Variants in IL18R1 observed in about 807,000 individuals in gnomAD.
The protein encoded by IL18R1 is interleukin-18 receptor 1.
Under a neutral mutation model 48.5 loss-of-function variants are expected in IL18R1, and 40 were observed. The ratio of observed to expected loss-of-function variants is 0.82; its 90% confidence interval spans 0.64 to 1.07. The LOEUF (loss-of-function observed/expected upper bound fraction) is 1.07, where lower values mean the gene tolerates loss of function less well. Ranked by LOEUF, IL18R1 falls within the 50% of genes least tolerant of loss-of-function variation. The pLI is 0.00. For synonymous variants in IL18R1, 232 were observed against 225.9 expected, an observed-to-expected ratio of 1.03 and a Z score of -0.24; for missense variants, 596 against 633.7, an observed-to-expected ratio of 0.94 and a Z score of 0.64.
At chr2:102,396,453 G>A (rs1458631211) in intron 10 of IL18R1, 78 bp from the exon 11 acceptor site, 1 of 791,574 alleles carries the variant, frequency 1.3e-6, no homozygotes. Context: ...TATAAAATAA[G>A]ACTGTGCAAA....
rs1309496545 is a variant in IL18R1, at chr2:102,390,102, C to T, written c.996C>T (p.Ile332=). 6.2e-7 allele frequency: 1 copy of T among 1,614,086 alleles called. No individual in the cohort carries two copies. Among genetic ancestry groups the T allele is most frequent in the African/African-American group, 1.3e-5 (1 of 75,034 alleles). The change falls in exon 9 of 11, where the codon ATC becomes ATT. Residue 332 remains isoleucine (I), a synonymous_variant. Coordinates refer to ENST00000233957, the MANE Select transcript of IL18R1 (RefSeq NM_003855.5). ...IPGHVFTRGM[I]IAVLILVAVV... ...GCCACGTCTTCACAAGAGGAATGAT[C>T]ATAGCTGTTTTGATCTTGGTGGCAG...
chr2:102,374,116 C>T, intron 4 of IL18R1: 1 of 213,364 alleles, frequency 4.7e-6, no homozygotes, highest in East Asian at 1.3e-4. Context: ...CCCCTGCCCA[C>T]CCTGGTCCAT....
intron 3 of IL18R1, among the ~76,000 whole-genome samples, chr2:102,369,687 T>C (rs1290370824): frequency 6.6e-6 from 1 of 152,254 alleles, no homozygotes. Context: ...ATATGTGTTC[T>C]AACTTAGGTG....
At chr2:102,375,724 A>T (rs1343777992) in intron 4 of IL18R1, among the ~76,000 whole-genome samples, 183 bp from the exon 5 acceptor site, 1 of 152,222 alleles carries the variant, frequency 6.6e-6, no homozygotes, top group Non-Finnish European at 1.5e-5. Flanking sequence ...GCCAACAGCA[A>T]TGGGATCGCA....
chr2:102,381,758 C>T (rs1679934259), intron 6 of IL18R1, 76 bp downstream of exon 6: 1 of 932,532 alleles, frequency 1.1e-6, no homozygotes, highest in African/African-American at 1.6e-5. Flanking sequence ...AAATATGATT[C>T]ATTATTGAAT....
intron 3 of IL18R1, among the ~76,000 whole-genome samples, chr2:102,368,882 C>A (rs1397960157): frequency 6.6e-6 from 1 of 152,080 alleles, no homozygotes; most frequent in Non-Finnish European, 1.5e-5. Context: ...AGAAGCACTT[C>A]TAGAGTGAGT....
intron 2 of IL18R1, 95 bp downstream of exon 2, chr2:102,362,813 G>C (rs975206241): frequency 2.9e-6 from 2 of 681,176 alleles, no homozygotes; most frequent in Non-Finnish European, 4.9e-6. Context: ...TGAAGATGCT[G>C]AATTTATTCA....
At chr2:102,382,655 A>T (rs1327763757) in intron 6 of IL18R1, among the ~76,000 whole-genome samples, 1 of 152,208 alleles carries the variant, frequency 6.6e-6, no homozygotes, top group Non-Finnish European at 1.5e-5. Context: ...TCTAAAGTTA[A>T]ATCACTAAAA....
At chr2:102,370,873 G>T (rs1679209246) in intron 3 of IL18R1, among the ~76,000 whole-genome samples, 1 of 152,164 alleles carries the variant, frequency 6.6e-6, no homozygotes, top group Non-Finnish European at 1.5e-5. Flanking sequence ...AGCCTAAGGT[G>T]GGCACAAATG....
Position 102,386,859 on chromosome 2 carries a change from A to G in IL18R1, c.810-2A>G. On this transcript the variant is annotated splice_acceptor_variant, in intron 7 of 10. Coordinates refer to ENST00000233957, the MANE Select transcript of IL18R1 (RefSeq NM_003855.5). LOFTEE classifies it high-confidence loss of function. Reference sequence around the variant, plus strand: ...CTGCTAAATTATTTTGCCCTCTTACAGGACTCCAGAAGGCAAATGGCATGC... The same window carrying G: ...CTGCTAAATTATTTTGCCCTCTTACGGGACTCCAGAAGGCAAATGGCATGC... The G allele has an allele frequency of 6.2e-7, 1 of 1,614,028 alleles. No individual in the cohort carries two copies. Among genetic ancestry groups the G allele is most frequent in the Non-Finnish European group, 8.5e-7 (1 of 1,179,886 alleles).
intron 8 of IL18R1, 38 bp from the exon 9 acceptor site, chr2:102,390,018 T>C (rs1680467916): frequency 6.2e-7 from 1 of 1,606,496 alleles, no homozygotes; most frequent in Admixed American, 1.7e-5. Flanking sequence ...GTAAGATTTC[T>C]TGATTATTTT....
At chr2:102,378,846 G>T (rs1308784042) in intron 5 of IL18R1, among the ~76,000 whole-genome samples, 1 of 152,178 alleles carries the variant, frequency 6.6e-6, no homozygotes, top group African/African-American at 2.4e-5. Context: ...TTTGGATTTG[G>T]CAAAGTTTGC....
rs763602788 is a variant in IL18R1 at position 102,367,784 on chromosome 2, G to A, written c.59-41G>A. The A allele has an allele frequency of 4.5e-6, 7 of 1,562,488 alleles. No individual in the cohort carries two copies. The East Asian group carries it at 1.6e-4, about 36-fold the overall frequency. Reference sequence around the variant, plus strand: ...CAAAAAAAGTTACCTTGTCATTTTGGTTTTTGTTTTTATTTATTTTACTTT... The same window carrying A: ...CAAAAAAAGTTACCTTGTCATTTTGATTTTTGTTTTTATTTATTTTACTTT... On this transcript the variant is annotated intron_variant, in intron 2 of 10. Coordinates refer to ENST00000233957, the MANE Select transcript of IL18R1 (RefSeq NM_003855.5).
In IL18R1 at chr2:102,397,771, G is replaced by A. The variant is rs781111135; in HGVS notation, c.*885G>A. ...AAATGCCCTTGGCATAAGGCAGCAT[G>A]GTGTGGCAGTTAAGAGATGGGCTGT... On this transcript the variant is annotated 3_prime_UTR_variant, in exon 11 of 11. Transcript: ENST00000233957. The A allele has an allele frequency of 1.3e-5, 2 of 152,312 alleles. No individual in the cohort carries two copies. Among genetic ancestry groups the A allele is most frequent in the Non-Finnish European group, 2.9e-5 (2 of 68,024 alleles). The allele number at this position is 152,312 out of a possible 1,614,324, so 9.4% of individuals were successfully genotyped here. A position where few individuals can be genotyped will look rare whatever the true frequency, so the allele number is the denominator to read the frequency against.
Position 102,377,464 on chromosome 2 carries a change from G to A in IL18R1, c.625+1401G>A, listed in dbSNP as rs553055301. Among the ~76,000 whole-genome samples, 11 of 152,166 alleles carry A rather than the reference G, an allele frequency of 7.2e-5. 1 individual carries two copies. Among genetic ancestry groups the A allele is most frequent in the South Asian group, 4.2e-4 (2 of 4,818 alleles). On this transcript the variant is annotated intron_variant, in intron 5 of 10. Transcript: ENST00000233957. ...CGAGTAGCTGGGACTACAGGCACCC[G>A]CCACCACTCCCGGCTAATTTTTATA...
Position 102,384,923 on chromosome 2 carries a change from A to G in IL18R1, c.734A>G (p.Asp245Gly). ...LNCSALLNEE[D>G]VIYWMFGEEN... is the part of the protein sequence containing the mutation. ...TGCTCTGCTTTGCTGAATGAAGAGG[A>G]TGTAATTTATTGGATGTTCGGGGAA... The change falls in exon 7 of 11, where the codon GAT becomes GGT. Residue 245 changes from aspartate (D) to glycine (G), a missense_variant. Transcript: ENST00000233957. 1 of 1,611,224 alleles carries G rather than the reference A, an allele frequency of 6.2e-7. No homozygotes were observed.
chr2:102,396,202 C>G (rs1464191808), intron 10 of IL18R1, among the ~76,000 whole-genome samples: 1 of 152,062 alleles, frequency 6.6e-6, no homozygotes, highest in Non-Finnish European at 1.5e-5. Flanking sequence ...GTTACTTAAC[C>G]ACTCTGTGCT....
chr2:102,385,358 T>C (rs1230274646), intron 7 of IL18R1, among the ~76,000 whole-genome samples: 1 of 152,142 alleles, frequency 6.6e-6, no homozygotes, highest in Non-Finnish European at 1.5e-5. Flanking sequence ...TTTGAAAAAT[T>C]TGTTAAGTTG....
chr2:102,359,437 A>G lies in IL18R1; in HGVS notation c.-29+3037A>G, dbSNP rs191041965. 1.4e-4 allele frequency among the ~76,000 whole-genome samples: 21 copies of G among 152,344 alleles called. No homozygotes were observed. In the East Asian group the frequency reaches 4.1e-3, roughly 29 times the overall value. Reference sequence around the variant, plus strand: ...ACTACATCAATATAAAATTTGTCATATATTAGCATAACAAAAGAGAGAAAG... The same window carrying G: ...ACTACATCAATATAAAATTTGTCATGTATTAGCATAACAAAAGAGAGAAAG... On this transcript the variant is annotated intron_variant, in intron 1 of 10. Coordinates refer to ENST00000233957, the MANE Select transcript of IL18R1 (RefSeq NM_003855.5).
Sources: gnomAD v4.1 joint callset for allele counts (sites outside exome capture counted in the v4.1 genomes callset) on GRCh38, gnomAD v4.1.1 for gene constraint, MANE v1.5 for transcripts, NCBI Gene and HGNC (gene_info 2026-07-23, HGNC 2026-07-21) for gene names.